SMARCAD1: variants seen among roughly 807,000 people sequenced by gnomAD.
SMARCAD1 encodes the protein SWI/SNF-related matrix-associated actin-dependent regulator of chromatin subfamily A containing DEAD/H box 1.
SMARCAD1 carries 25 observed loss-of-function variants against 127.1 expected under a neutral mutation model. That is an observed-to-expected ratio of 0.20 (90% CI 0.14 to 0.27). SMARCAD1 has a LOEUF of 0.27. Among genes scored for constraint, SMARCAD1 ranks in the 10% least tolerant of loss-of-function variants. SMARCAD1 has a pLI of 1.00. For synonymous variants in SMARCAD1, 400 were observed against 396.9 expected (o/e 1.01, Z -0.09); for missense variants, 807 against 1,206.0 (o/e 0.67, Z 4.90).
At chr4:94,249,565 A>C in intron 6 of SMARCAD1, 89 bp from the exon 7 acceptor site, 2 of 757,742 alleles carry the variant, frequency 2.6e-6, no homozygotes, top group South Asian at 3.0e-5. Context: ...GATAATTTTC[A>C]GATCAAGTCA....
intron 6 of SMARCAD1, among the ~76,000 whole-genome samples, chr4:94,244,977 G>A (rs1748195388): frequency 6.6e-6 from 1 of 152,178 alleles, no homozygotes; most frequent in Admixed American, 6.5e-5. Flanking sequence ...GGTTGCAGAA[G>A]TGGTTACAGA....
chr4:94,265,968 A>T (rs1751684096), intron 10 of SMARCAD1, among the ~76,000 whole-genome samples: 1 of 152,060 alleles, frequency 6.6e-6, no homozygotes. Context: ...TTTGCTGATC[A>T]TTGGTTAATA....
At chr4:94,268,345 A>C (rs192531330) in intron 10 of SMARCAD1, among the ~76,000 whole-genome samples, 6 of 152,224 alleles carry the variant, frequency 3.9e-5, no homozygotes, top group Admixed American at 3.9e-4. Flanking sequence ...TGTGTTGGTG[A>C]TGAAGAATTT....
At position 94,289,571 on chromosome 4, in the gene SMARCAD1, T is replaced by C. The variant is rs1326612361; in HGVS notation, c.*37T>C. The C allele has an allele frequency of 4.0e-6, 6 of 1,513,224 alleles. No homozygotes were observed. The highest frequency in any genetic ancestry group is 3.4e-4 in the Middle Eastern group (2 of 5,900). The allele number at this position is 1,513,224 out of a possible 1,614,324, so 93.7% of individuals were successfully genotyped here. ...TGAACTCTCAATTGATGAGGAAATA[T>C]CAACTTGGTGCACTCAAGGACATTT... On this transcript the variant is annotated 3_prime_UTR_variant, in exon 24 of 24. Coordinates refer to ENST00000354268, the MANE Select transcript of SMARCAD1 (RefSeq NM_020159.5).
intron 21 of SMARCAD1, 71 bp from the exon 22 acceptor site, chr4:94,283,048 AAT>A: frequency 3.1e-6 from 4 of 1,282,120 alleles, no homozygotes; most frequent in Middle Eastern, 5.2e-4. Context: ...TTCATGTGAT[AAT>A]GATTGTTTTC....
intron 2 of SMARCAD1, among the ~76,000 whole-genome samples, chr4:94,212,375 A>G (rs1445924982): frequency 3.9e-5 from 6 of 151,952 alleles, no homozygotes; most frequent in East Asian, 1.9e-4. Flanking sequence ...GCATTTCGCT[A>G]TGTTGACCAG....
intron 2 of SMARCAD1, among the ~76,000 whole-genome samples, chr4:94,225,521 G>T (rs1744854452): frequency 6.6e-6 from 1 of 152,086 alleles, no homozygotes; most frequent in Admixed American, 6.5e-5. Flanking sequence ...CCTTTTTAGA[G>T]GCCTCATCTC....
intron 2 of SMARCAD1, among the ~76,000 whole-genome samples, chr4:94,216,658 G>GT (rs1206908022): frequency 6.6e-6 from 1 of 152,086 alleles, no homozygotes; most frequent in African/African-American, 2.4e-5. Flanking sequence ...CGTTTACGTT[G>GT]TCTTTTTATG....
chr4:94,213,755 T>A (rs943899796), intron 2 of SMARCAD1, among the ~76,000 whole-genome samples: 1 of 152,170 alleles, frequency 6.6e-6, no homozygotes, highest in African/African-American at 2.4e-5. Context: ...ATTGACACCA[T>A]GGACTGAATT....
At chr4:94,212,371 C>T (rs943621796) in intron 2 of SMARCAD1, among the ~76,000 whole-genome samples, 4 of 152,104 alleles carry the variant, frequency 2.6e-5, no homozygotes, top group South Asian at 2.1e-4. Context: ...GACGGCATTT[C>T]GCTATGTTGA....
At chr4:94,277,288 C>T in intron 16 of SMARCAD1, 129 bp downstream of exon 16, 1 of 1,080,022 alleles carries the variant, frequency 9.3e-7, no homozygotes, top group South Asian at 1.4e-5. Context: ...TAGGTGATAA[C>T]TCTATATTTG....
rs191126505 is a variant in SMARCAD1, at chr4:94,260,563, G to A, written c.1282-4144G>A. 7.7e-3 allele frequency among the ~76,000 whole-genome samples: 1,167 copies of A among 151,992 alleles called. 4 individuals are homozygous for A. Among genetic ancestry groups the A allele is most frequent in the Non-Finnish European group, 7.9e-3 (535 of 67,956 alleles). On this transcript the variant is annotated intron_variant, in intron 9 of 23. Coordinates refer to ENST00000354268, the MANE Select transcript of SMARCAD1 (RefSeq NM_020159.5). ...TCCACTGTGTTGGACTTGAACTCCTGGGGCCTCAAGTGATCCACCTGCCTC... is the reference window on the plus strand; with the variant it reads ...TCCACTGTGTTGGACTTGAACTCCTAGGGCCTCAAGTGATCCACCTGCCTC...
At chr4:94,236,481 A>G (rs936103059) in intron 4 of SMARCAD1, among the ~76,000 whole-genome samples, 1 of 152,092 alleles carries the variant, frequency 6.6e-6, no homozygotes, top group Non-Finnish European at 1.5e-5. Flanking sequence ...TTTTTTTAAA[A>G]GAGCAGAATT....
At chr4:94,257,828 G>A (rs2125930543) in intron 9 of SMARCAD1, among the ~76,000 whole-genome samples, 1 of 152,022 alleles carries the variant, frequency 6.6e-6, no homozygotes, top group African/African-American at 2.4e-5. Context: ...GTCATTTGTA[G>A]GTCTTATCTA....
chr4:94,283,189 G>T lies in SMARCAD1; in HGVS notation c.2795G>T (p.Gly932Val). The T allele has an allele frequency of 1.2e-6, 2 of 1,613,690 alleles. No individual in the cohort carries two copies. Among genetic ancestry groups the T allele is most frequent in the Non-Finnish European group, 1.7e-6 (2 of 1,179,928 alleles). The change falls in exon 22 of 24, where the codon GGT (glycine) becomes GTT (valine). Residue 932 changes from glycine to valine, a missense_variant. Physicochemically the swap from Gly to Val is moderately radical, Grantham distance 109. Coordinates refer to ENST00000354268, the MANE Select transcript of SMARCAD1 (RefSeq NM_020159.5). ...GTGTTTCTGCTATCAACAAAAGCTG[G>T]TGGATTAGGAATAAATCTGACTTCA... ...IFVFLLSTKA[G>V]GLGINLTSAN... is the part of the protein sequence containing the mutation.
rs972396852 is a variant in SMARCAD1, at chr4:94,290,334, G to C, written c.*800G>C. Reference sequence around the variant, plus strand: ...TTGCTTCTCTTGAAACTGTTGCCCAGTCACTTCTGCTCCAATTCTCTTCCT... The same window carrying C: ...TTGCTTCTCTTGAAACTGTTGCCCACTCACTTCTGCTCCAATTCTCTTCCT... On this transcript the variant is annotated 3_prime_UTR_variant, in exon 24 of 24. Transcript: ENST00000354268. The C allele has an allele frequency of 2.2e-6, 1 of 454,408 alleles. No homozygotes were observed. Among genetic ancestry groups the C allele is most frequent in the African/African-American group, 2.0e-5 (1 of 50,086 alleles). 28.1% of individuals were successfully genotyped at this position (454,408 alleles called of 1,614,324 possible).
At chr4:94,284,468 T>C (rs977801060) in intron 22 of SMARCAD1, among the ~76,000 whole-genome samples, 3 of 151,744 alleles carry the variant, frequency 2.0e-5, no homozygotes, top group African/African-American at 7.3e-5. Flanking sequence ...GCACCATCTC[T>C]GCTCACTTCA....
intron 6 of SMARCAD1, among the ~76,000 whole-genome samples, chr4:94,245,416 T>C (rs1347719280): frequency 1.3e-5 from 2 of 152,336 alleles, no homozygotes; most frequent in African/African-American, 4.8e-5. Flanking sequence ...CTGCTGAAGA[T>C]ATTAGGATAG....
chr4:94,242,061 A>G (rs1747665643), intron 6 of SMARCAD1, among the ~76,000 whole-genome samples: 1 of 151,724 alleles, frequency 6.6e-6, no homozygotes, highest in Non-Finnish European at 1.5e-5. Context: ...TTTGAGACAG[A>G]GTCTTACTCT....
Sources: allele counts gnomAD v4.1 joint callset (sites outside exome capture counted in the v4.1 genomes callset), GRCh38; gene constraint gnomAD v4.1.1; transcripts MANE v1.5; gene names NCBI Gene and HGNC (gene_info 2026-07-23, HGNC 2026-07-21).